Variants in MARCHF10 observed in about 807,000 individuals in gnomAD.
The protein encoded by MARCHF10 is membrane associated ring-CH-type finger 10.
A neutral mutation model predicts 76.2 loss-of-function variants in MARCHF10; 64 were observed. That is an observed-to-expected ratio of 0.84 (90% CI 0.69 to 1.03). The LOEUF is 1.03. Among genes scored for constraint, MARCHF10 ranks in the 50% least tolerant of loss-of-function variants. MARCHF10 has a pLI of 0.00. For missense variants in MARCHF10, 875 were observed against 958.0 expected (o/e 0.91, Z 1.14); for synonymous variants, 340 against 357.5 (o/e 0.95, Z 0.55).
intron 8 of MARCHF10, among the ~76,000 whole-genome samples, chr17:62,722,020 C>T (rs749776089): frequency 6.6e-6 from 1 of 152,036 alleles, no homozygotes; most frequent in African/African-American, 2.4e-5. Context: ...TAGTGGCTCA[C>T]ACCTGTAATT....
At chr17:62,703,625 T>C (rs1261867464) in intron 10 of MARCHF10, among the ~76,000 whole-genome samples, 2 of 152,206 alleles carry the variant, frequency 1.3e-5, no homozygotes, top group Admixed American at 1.3e-4. Flanking sequence ...TGTCTCCACC[T>C]TGGGGCCGAG....
At chr17:62,769,824 T>G (rs989771846) in intron 3 of MARCHF10, among the ~76,000 whole-genome samples, 2 of 152,208 alleles carry the variant, frequency 1.3e-5, no homozygotes, top group African/African-American at 2.4e-5. Flanking sequence ...CTCAAGGATA[T>G]GTTTTATTCA....
chr17:62,705,498 C>T, intron 10 of MARCHF10, 41 bp downstream of exon 10: 1 of 1,614,130 alleles, frequency 6.2e-7, no homozygotes, highest in Non-Finnish European at 8.5e-7. Flanking sequence ...AGTAATTTAG[C>T]AAACACCCTC....
At chr17:62,800,265 G>C (rs1434968882) in intron 2 of MARCHF10, among the ~76,000 whole-genome samples, 1 of 152,182 alleles carries the variant, frequency 6.6e-6, no homozygotes, top group Non-Finnish European at 1.5e-5. Context: ...ACACAGTTGT[G>C]TGATTTTCTT....
intron 3 of MARCHF10, among the ~76,000 whole-genome samples, chr17:62,775,338 C>T (rs1208943648): frequency 6.6e-6 from 1 of 152,062 alleles, no homozygotes; most frequent in Non-Finnish European, 1.5e-5. Context: ...GTTGCCCAGG[C>T]TGGCCTTGAA....
At chr17:62,721,686 C>A (rs953453681) in intron 8 of MARCHF10, among the ~76,000 whole-genome samples, 4 of 152,040 alleles carry the variant, frequency 2.6e-5, no homozygotes, top group African/African-American at 9.7e-5. Context: ...AAATGCAGTC[C>A]AAATACCCTA....
intron 10 of MARCHF10, chr17:62,705,214 ACT>A (rs2089503095): frequency 7.8e-7 from 1 of 1,274,856 alleles, no homozygotes; most frequent in African/African-American, 1.5e-5. Flanking sequence ...CAACCCCCAA[ACT>A]CTCCAAGTGC....
rs1219309657 is a variant in MARCHF10 at position 62,738,089 on chromosome 17, C to CACACACACACACAA, written c.536-758_536-757insTTGTGTGTGTGTGT. Among the ~76,000 whole-genome samples, 3 of 151,370 alleles carry CACACACACACACAA rather than the reference C, an allele frequency of 2.0e-5. No individual in the cohort carries two copies. Among genetic ancestry groups the CACACACACACACAA allele is most frequent in the Non-Finnish European group, 4.4e-5 (3 of 67,804 alleles). On this transcript the variant is annotated intron_variant, in intron 5 of 10. Coordinates refer to ENST00000311269, the MANE Select transcript of MARCHF10 (RefSeq NM_152598.4). The surrounding 1 kb of genome is among the most constrained non-coding windows in gnomAD (Gnocchi z 4.0). Reference sequence around the variant, plus strand: ...ACACACACACACACACACACACACACACACACACACAACTTAAGCCTCACA... The same window carrying CACACACACACACAA: ...ACACACACACACACACACACACACACACACACACACACAAACACACACACAACTTAAGCCTCACA...
At chr17:62,722,825 C>T (rs1363424618) in intron 7 of MARCHF10, among the ~76,000 whole-genome samples, 3 of 152,020 alleles carry the variant, frequency 2.0e-5, no homozygotes, top group Non-Finnish European at 4.4e-5. Context: ...GTGAAATTCC[C>T]ACGACTTTTA....
chr17:62,723,559 C>CTTTTTTTGTTTTTTTTTTTTTTTTT (rs2090600095), intron 7 of MARCHF10, among the ~76,000 whole-genome samples: 1 of 80,370 alleles, frequency 1.2e-5, no homozygotes, highest in African/African-American at 5.4e-5. Flanking sequence ...GTTCGCTTGA[C>CTTTTTTTGTTTTTTTTTTTTTTTTT]TTTTTTTTTT....
At chr17:62,772,754 T>C (rs533473176) in intron 3 of MARCHF10, among the ~76,000 whole-genome samples, 31 of 152,326 alleles carry the variant, frequency 2.0e-4, no homozygotes, top group African/African-American at 7.0e-4. Flanking sequence ...TCTCAGCATA[T>C]TTTTCATCTA....
intron 3 of MARCHF10, among the ~76,000 whole-genome samples, chr17:62,775,514 G>GGC (rs202010015): frequency 3.3e-5 from 5 of 151,914 alleles, no homozygotes; most frequent in Admixed American, 2.6e-4. Flanking sequence ...ACTCGGGGGG[G>GGC]GGCGTGGCTT....
intron 4 of MARCHF10, among the ~76,000 whole-genome samples, chr17:62,757,145 T>C (rs1313934417): frequency 6.6e-6 from 1 of 152,164 alleles, no homozygotes; most frequent in East Asian, 1.9e-4. Context: ...TTTTTTTCAG[T>C]AAAAGTCTGG....
At chr17:62,705,865 T>C (rs1273765807) in intron 9 of MARCHF10, among the ~76,000 whole-genome samples, 3 of 152,208 alleles carry the variant, frequency 2.0e-5, no homozygotes, top group African/African-American at 7.2e-5. Flanking sequence ...TTGATCTGAA[T>C]AGCAGAATCC....
intron 1 of MARCHF10, among the ~76,000 whole-genome samples, chr17:62,804,682 A>T (rs2093134882): frequency 6.6e-6 from 1 of 152,162 alleles, no homozygotes; most frequent in African/African-American, 2.4e-5. Flanking sequence ...TATGGCCAAG[A>T]TATCTAAGCT....
Position 62,736,073 on chromosome 17 carries a change from T to C in MARCHF10, c.1795A>G (p.Thr599Ala). ...LHVSGSLQEN[T>A]PFTFFAVSHF... ...GACACTGCAAAGAAAGTAAATGGTGTATTTTCTTGCAGAGACCCAGACACA... is the reference window on the plus strand; with the variant it reads ...GACACTGCAAAGAAAGTAAATGGTGCATTTTCTTGCAGAGACCCAGACACA... Residue 599 changes from threonine to alanine, a missense_variant, in exon 6 of 11, where the codon ACA becomes GCA. Coordinates refer to ENST00000311269, the MANE Select transcript of MARCHF10 (RefSeq NM_152598.4). 6.2e-7 allele frequency: 1 copy of C among 1,614,216 alleles called. No individual in the cohort carries two copies. The highest frequency in any genetic ancestry group is 8.5e-7 in the Non-Finnish European group (1 of 1,180,042).
At chr17:62,783,019 A>T (rs994353285) in intron 3 of MARCHF10, among the ~76,000 whole-genome samples, 2 of 152,130 alleles carry the variant, frequency 1.3e-5, no homozygotes, top group African/African-American at 4.8e-5. Flanking sequence ...CTCAGTAGAG[A>T]AGATGAGGCC....
chr17:62,755,461 G>A (rs1398713216), intron 4 of MARCHF10, among the ~76,000 whole-genome samples: 1 of 152,166 alleles, frequency 6.6e-6, no homozygotes, highest in East Asian at 1.9e-4. Flanking sequence ...GGCCTTGGAG[G>A]CCACCGCAGC....
intron 3 of MARCHF10, among the ~76,000 whole-genome samples, chr17:62,773,081 G>T (rs557898805): frequency 6.6e-6 from 1 of 152,150 alleles, no homozygotes; most frequent in Admixed American, 6.5e-5. Context: ...AGAGGTTTGC[G>T]GCACAAAAAT....
Sources: gnomAD v4.1 joint callset for allele counts (sites outside exome capture counted in the v4.1 genomes callset) on GRCh38, gnomAD v4.1.1 for gene constraint, Gnocchi (gnomAD v3.1) non-coding constraint, MANE v1.5 for transcripts, NCBI Gene and HGNC (gene_info 2026-07-23, HGNC 2026-07-21) for gene names.